The following SEMA6D variants were observed in gnomAD, a reference collection of about 807,000 sequenced individuals.
The protein encoded by SEMA6D is semaphorin-6D.
Under a neutral mutation model 106.6 loss-of-function variants are expected in SEMA6D, and 35 were observed. The ratio of observed to expected loss-of-function variants is 0.33; its 90% confidence interval spans 0.25 to 0.44. The LOEUF (loss-of-function observed/expected upper bound fraction) is 0.44, where lower values mean the gene tolerates loss of function less well. Among genes scored for constraint, SEMA6D ranks in the 20% least tolerant of loss-of-function variants. The probability of loss-of-function intolerance (pLI) is 1.00; values close to 1 mark genes in which losing one functional copy is unlikely to be tolerated. For synonymous variants in SEMA6D, 499 were observed against 487.7 expected, an observed-to-expected ratio of 1.02 and a Z score of -0.31; for missense variants, 1,185 against 1,345.9, an observed-to-expected ratio of 0.88 and a Z score of 1.87.
chr15:47,346,608 G>A (rs552336909), intron 1 of SEMA6D, among the ~76,000 whole-genome samples: 2 of 152,232 alleles, frequency 1.3e-5, no homozygotes, highest in South Asian at 2.1e-4. Flanking sequence ...TTTAGAAACA[G>A]AATGATTATA....
In SEMA6D at chr15:47,639,595, A is replaced by G. The variant is rs555108773; in HGVS notation, c.-55+38699A>G. On this transcript the variant is annotated intron_variant, in intron 4 of 19. Transcript: ENST00000558014. The stretch of plus-strand genomic sequence containing the variant: ...GGAAAGGAGAAAAAAGAGAAATGTT[A>G]CAGTGGAAAAACCTGACAAACATTA... Among the ~76,000 whole-genome samples the G allele has an allele frequency of 1.2e-4, 18 of 152,324 alleles. No homozygotes were observed. In the East Asian group the frequency reaches 3.3e-3, roughly 28 times the overall value.
intron 3 of SEMA6D, among the ~76,000 whole-genome samples, chr15:47,544,062 G>A (rs533139362): frequency 5.3e-5 from 8 of 152,036 alleles, no homozygotes; most frequent in Non-Finnish European, 7.4e-5. Flanking sequence ...TTTTGACCAC[G>A]AAAATAAACT....
chr15:47,377,773 G>T (rs1473092835), intron 1 of SEMA6D, among the ~76,000 whole-genome samples: 1 of 152,142 alleles, frequency 6.6e-6, no homozygotes, highest in East Asian at 1.9e-4. Context: ...CCTTCCCTAA[G>T]AATCTAAGAG....
intron 2 of SEMA6D, among the ~76,000 whole-genome samples, chr15:47,423,591 AATAC>A (rs1352328534): frequency 1.9e-4 from 29 of 152,126 alleles, no homozygotes; most frequent in Admixed American, 1.9e-3. Flanking sequence ...AGCAACTACA[AATAC>A]ATAGGATAAA....
intron 1 of SEMA6D, among the ~76,000 whole-genome samples, chr15:47,756,056 T>C (rs950816035): frequency 6.6e-6 from 1 of 151,954 alleles, no homozygotes; most frequent in African/African-American, 2.4e-5. Flanking sequence ...TATTTAACAT[T>C]AGGAATGTAT....
In SEMA6D at chr15:47,614,181, G is replaced by A. The variant is rs568684475; in HGVS notation, c.-55+13285G>A. On this transcript the variant is annotated intron_variant, in intron 4 of 19. Coordinates refer to the SEMA6D transcript ENST00000558014. Reference sequence around the variant, plus strand: ...TGATGAATGAATCAGGTGAAAAAAAGAAACACACACACAAACAACCTGCCT... The same window carrying A: ...TGATGAATGAATCAGGTGAAAAAAAAAAACACACACACAAACAACCTGCCT... 2.6e-5 allele frequency among the ~76,000 whole-genome samples: 4 copies of A among 152,144 alleles called. No homozygotes were observed. In the East Asian group the frequency reaches 7.8e-4, roughly 29 times the overall value.
At chr15:47,675,617 T>C (rs769479281) in intron 4 of SEMA6D, among the ~76,000 whole-genome samples, 6 of 152,218 alleles carry the variant, frequency 3.9e-5, no homozygotes, top group Admixed American at 6.5e-5. Context: ...CTAAGAGGCA[T>C]TGATATCAAT....
chr15:47,556,742 C>T (rs1029107741), intron 3 of SEMA6D, among the ~76,000 whole-genome samples: 4 of 152,068 alleles, frequency 2.6e-5, no homozygotes, highest in African/African-American at 7.2e-5. Context: ...AGAGTGAGCC[C>T]TAGGGAACCA....
chr15:47,672,502 T>C (rs569106818), intron 4 of SEMA6D, among the ~76,000 whole-genome samples: 1 of 152,352 alleles, frequency 6.6e-6, no homozygotes, highest in Non-Finnish European at 1.5e-5. Context: ...TAGGGTTATA[T>C]CCTCAATTTT....
intron 1 of SEMA6D, among the ~76,000 whole-genome samples, chr15:47,727,878 G>GCTTT (rs2079863819): frequency 5.3e-5 from 8 of 152,326 alleles, no homozygotes; most frequent in African/African-American, 1.9e-4. Context: ...CGGTCAGGAT[G>GCTTT]GAATTTTTTC....
chr15:47,671,394 C>A (rs758577333), intron 4 of SEMA6D, among the ~76,000 whole-genome samples: 1 of 151,982 alleles, frequency 6.6e-6, no homozygotes, highest in Non-Finnish European at 1.5e-5. Flanking sequence ...GAAAGACCTA[C>A]GAGAATCAAC....
chr15:47,637,769 C>T (rs772456027), intron 4 of SEMA6D, among the ~76,000 whole-genome samples: 23 of 152,168 alleles, frequency 1.5e-4, no homozygotes, highest in Non-Finnish European at 2.6e-4. Context: ...AAGGGTCTCC[C>T]ACTCCATTAC....
chr15:47,273,817 A>G (rs529815708), intron 1 of SEMA6D, among the ~76,000 whole-genome samples: 11 of 152,320 alleles, frequency 7.2e-5, no homozygotes, highest in African/African-American at 2.6e-4. Context: ...GTATTTCATT[A>G]AATCTTCATA....
intron 2 of SEMA6D, among the ~76,000 whole-genome samples, chr15:47,455,508 T>TA (rs1185747605): frequency 6.6e-6 from 1 of 151,960 alleles, no homozygotes. Context: ...GACCGCTGCC[T>TA]TCCATTGATA....
At position 47,763,123 on chromosome 15, in the gene SEMA6D, C is replaced by A. The variant is rs765637196; in HGVS notation, c.747+19C>A. The A allele has an allele frequency of 3.1e-6, 5 of 1,587,572 alleles. No individual in the cohort carries two copies. The highest frequency in any genetic ancestry group is 1.7e-5 in the Admixed American group (1 of 59,326). On this transcript the variant is annotated intron_variant, in intron 9 of 18. Transcript: ENST00000536845. ...AGGCAAGGCAAGTATATGCATTTGG[C>A]TTGAATTGTGGACTTGTACTGCATG... is the stretch of plus-strand genomic sequence containing the variant.
intron 4 of SEMA6D, among the ~76,000 whole-genome samples, chr15:47,685,851 A>G (rs1249501378): frequency 6.6e-6 from 1 of 152,192 alleles, no homozygotes; most frequent in Non-Finnish European, 1.5e-5. Flanking sequence ...ATGGCTTTGT[A>G]TCGCCTCTAG....
chr15:47,340,782 G>A (rs1234834722), intron 1 of SEMA6D, among the ~76,000 whole-genome samples: 1 of 152,124 alleles, frequency 6.6e-6, no homozygotes, highest in South Asian at 2.1e-4. Context: ...GATTCGAATA[G>A]ATAGAGAAAT....
intron 1 of SEMA6D, among the ~76,000 whole-genome samples, chr15:47,391,293 C>A (rs1049482429): frequency 6.6e-6 from 1 of 152,170 alleles, no homozygotes; most frequent in Non-Finnish European, 1.5e-5. Context: ...TCTTGTCTAC[C>A]ACTGTGGAAC....
At chr15:47,266,062 G>A (rs1024932475) in intron 1 of SEMA6D, among the ~76,000 whole-genome samples, 8 of 152,060 alleles carry the variant, frequency 5.3e-5, no homozygotes, top group Non-Finnish European at 7.4e-5. Flanking sequence ...AGTCTCTTTT[G>A]GGGGAATAAT....
Sources: gnomAD v4.1 joint callset for allele counts (sites outside exome capture counted in the v4.1 genomes callset) on GRCh38, gnomAD v4.1.1 for gene constraint, MANE v1.5 for transcripts, NCBI Gene and HGNC (gene_info 2026-07-23, HGNC 2026-07-21) for gene names.